The following SOX6 variants were observed in gnomAD, a reference collection of about 807,000 sequenced individuals.
SOX6 encodes SRY-box transcription factor 6.
SOX6 carries 11 observed loss-of-function variants against 97.8 expected under a neutral mutation model. The observed-to-expected ratio is 0.11, with a 90% confidence interval of 0.07 to 0.19. The LOEUF is 0.19. Among genes scored for constraint, SOX6 ranks in the 10% least tolerant of loss-of-function variants. The pLI is 1.00. For synonymous variants in SOX6, 360 were observed against 371.4 expected (o/e 0.97, Z 0.35); for missense variants, 810 against 1,039.5 (o/e 0.78, Z 3.04).
At chr11:16,564,963 C>T (rs1486040407) in intron 4 of SOX6, among the ~76,000 whole-genome samples, 2 of 151,380 alleles carry the variant, frequency 1.3e-5, no homozygotes, top group Non-Finnish European at 1.5e-5. Flanking sequence ...TGATAAAGAG[C>T]GGAAACCAAT....
chr11:16,395,057 A>T (rs1195784585), intron 1 of SOX6, among the ~76,000 whole-genome samples: 1 of 151,868 alleles, frequency 6.6e-6, no homozygotes, highest in Non-Finnish European at 1.5e-5. Context: ...CAAACCAACC[A>T]ACAGACTCTA....
chr11:15,989,253 A>C (rs769968866), intron 13 of SOX6, 23 bp from the exon 14 acceptor site: 7 of 1,567,480 alleles, frequency 4.5e-6, no homozygotes, highest in Non-Finnish European at 6.1e-6. Flanking sequence ...GGCAGGAAGA[A>C]CAAGATGAGT....
At chr11:16,228,464 T>C (rs891422015) in intron 4 of SOX6, among the ~76,000 whole-genome samples, 2 of 152,066 alleles carry the variant, frequency 1.3e-5, no homozygotes, top group African/African-American at 2.4e-5. Flanking sequence ...TAAGGAGAGA[T>C]TTTCTATTTA....
chr11:16,195,207 C>A (rs1448484202), intron 4 of SOX6, among the ~76,000 whole-genome samples: 1 of 152,146 alleles, frequency 6.6e-6, no homozygotes, highest in African/African-American at 2.4e-5. Flanking sequence ...CAAAAAGTTA[C>A]ATTGTTATTT....
chr11:16,141,881 G>A (rs1042588287), intron 6 of SOX6, among the ~76,000 whole-genome samples: 31 of 152,256 alleles, frequency 2.0e-4, no homozygotes, highest in South Asian at 8.3e-4. Flanking sequence ...GGAGCCCACT[G>A]CAGGTCAAGG....
rs546689285 is a variant in SOX6, at chr11:16,725,509, G to GA, written n.354-10605dup. ...GTGAGACCCTGTCTTAAAAAAAAAA[G>GA]AAAAAAAATGCTAAGTGAAAGGAAC... On this transcript the variant is annotated intron_variant and non_coding_transcript_variant, in intron 2 of 5. Transcript: ENST00000524520. 2.3e-3 allele frequency among the ~76,000 whole-genome samples: 351 copies of GA among 151,130 alleles called. 3 individuals are homozygous for GA. The highest frequency in any genetic ancestry group is 7.8e-3 in the African/African-American group (322 of 41,218).
At chr11:16,452,665 A>C (rs1432509308) in intron 1 of SOX6, among the ~76,000 whole-genome samples, 2 of 152,186 alleles carry the variant, frequency 1.3e-5, no homozygotes. Context: ...TATGAGTTGA[A>C]CTGTAAAAAT....
intron 12 of SOX6, among the ~76,000 whole-genome samples, chr11:16,021,917 T>C (rs1855070429): frequency 6.6e-6 from 1 of 152,092 alleles, no homozygotes; most frequent in African/African-American, 2.4e-5. Context: ...AAAATACTAT[T>C]GTTATCAACC....
intron 3 of SOX6, among the ~76,000 whole-genome samples, chr11:16,653,781 A>G (rs1238193231): frequency 6.6e-6 from 1 of 152,150 alleles, no homozygotes; most frequent in East Asian, 1.9e-4. Flanking sequence ...AAAAAATAAA[A>G]TGAAATGCAA....
chr11:16,330,607 C>T (rs1750984639), intron 2 of SOX6, among the ~76,000 whole-genome samples: 1 of 152,004 alleles, frequency 6.6e-6, no homozygotes, highest in Non-Finnish European at 1.5e-5. Flanking sequence ...GGTTCATGTG[C>T]CTACCAACTC....
intron 1 of SOX6, among the ~76,000 whole-genome samples, chr11:16,394,027 C>T (rs1396227361): frequency 6.6e-6 from 1 of 151,904 alleles, no homozygotes; most frequent in African/African-American, 2.4e-5. Context: ...TCCCAGTTTT[C>T]CTAGCTGTGA....
intron 15 of SOX6, among the ~76,000 whole-genome samples, chr11:15,985,489 C>A (rs2119817985): frequency 6.6e-6 from 1 of 152,292 alleles, no homozygotes. Flanking sequence ...ATGCTGGAAT[C>A]TACAGTCATC....
chr11:16,190,390 C>T (rs1195148537), intron 4 of SOX6, among the ~76,000 whole-genome samples: 1 of 151,994 alleles, frequency 6.6e-6, no homozygotes, highest in African/African-American at 2.4e-5. Flanking sequence ...CAGCCAATCT[C>T]GAACTGAAAA....
chr11:16,446,396 C>T (rs1396955946), intron 1 of SOX6, among the ~76,000 whole-genome samples: 4 of 151,932 alleles, frequency 2.6e-5, no homozygotes, highest in Admixed American at 1.3e-4. Flanking sequence ...CAACTGCACC[C>T]GTTATTTTCT....
intron 1 of SOX6, among the ~76,000 whole-genome samples, chr11:16,383,092 C>T (rs534042160): frequency 8.6e-5 from 13 of 152,032 alleles, no homozygotes; most frequent in African/African-American, 2.2e-4. Flanking sequence ...AATGCACTCA[C>T]GATTCCATGA....
At chr11:16,198,757 C>T (rs1851857241) in intron 4 of SOX6, among the ~76,000 whole-genome samples, 1 of 151,938 alleles carries the variant, frequency 6.6e-6, no homozygotes, top group Non-Finnish European at 1.5e-5. Context: ...ATCAATGGTC[C>T]CAGAAGGATT....
chr11:16,308,869 G>A (rs1855514287), intron 3 of SOX6, among the ~76,000 whole-genome samples: 1 of 152,172 alleles, frequency 6.6e-6, no homozygotes, highest in African/African-American at 2.4e-5. Context: ...CATTCAGCCT[G>A]TTGTATTCAG....
intron 13 of SOX6, among the ~76,000 whole-genome samples, chr11:16,006,317 T>C (rs1854554138): frequency 6.6e-6 from 1 of 152,092 alleles, no homozygotes; most frequent in Non-Finnish European, 1.5e-5. Flanking sequence ...GGTTAATGCA[T>C]ATTTATTTGG....
At chr11:16,082,566 G>T (rs1190598144) in intron 9 of SOX6, among the ~76,000 whole-genome samples, 1 of 152,114 alleles carries the variant, frequency 6.6e-6, no homozygotes, top group Non-Finnish European at 1.5e-5. Flanking sequence ...CCTTGGCTTT[G>T]CTTCAGTCTT....
Sources: gnomAD v4.1 joint callset for allele counts (sites outside exome capture counted in the v4.1 genomes callset) on GRCh38, gnomAD v4.1.1 for gene constraint, MANE v1.5 for transcripts, NCBI Gene and HGNC (gene_info 2026-07-23, HGNC 2026-07-21) for gene names.